XRRA1: variants seen among roughly 807,000 people sequenced by gnomAD.
XRRA1 encodes the protein X-ray radiation resistance-associated protein 1.
In XRRA1, 69 loss-of-function variants were observed where a neutral mutation model predicts 80.2. The observed-to-expected ratio is 0.86, with a 90% CI of 0.71 to 1.05. The LOEUF is 1.05. Among genes scored for constraint, XRRA1 ranks in the 50% least tolerant of loss-of-function variants. XRRA1 has a pLI of 0.00. For synonymous variants in XRRA1, 348 were observed against 389.9 expected (o/e 0.89, Z 1.27); for missense variants, 967 against 976.4 (o/e 0.99, Z 0.13).
rs1339669182 is a variant in XRRA1 at position 74,848,361 on chromosome 11, C to G, written c.1482G>C (p.Glu494Asp). Residue 494 changes from glutamate to aspartate, a missense_variant, in exon 15 of 19, where the codon GAG becomes GAC. Coordinates refer to ENST00000684022, the MANE Select transcript of XRRA1 (RefSeq NM_001378157.1). ...TGGGCAGATCTTCAGCCAGCTCTGCCTCTGGCTCTAGCATATCCTTTGAGG... is the reference window on the plus strand; with the variant it reads ...TGGGCAGATCTTCAGCCAGCTCTGCGTCTGGCTCTAGCATATCCTTTGAGG... ...KSPSKDMLEPEAELAEDLPTT... is the reference protein window; with the variant it reads ...KSPSKDMLEPDAELAEDLPTT... 6.2e-7 allele frequency: 1 copy of G among 1,613,930 alleles called. No individual in the cohort carries two copies. Among genetic ancestry groups the G allele is most frequent in the Admixed American group, 1.7e-5 (1 of 60,006 alleles).
chr11:74,873,025 T>C (rs2045223977), intron 10 of XRRA1, among the ~76,000 whole-genome samples: 1 of 152,180 alleles, frequency 6.6e-6, no homozygotes, highest in Non-Finnish European at 1.5e-5. Context: ...TTAGCTTGCA[T>C]GGGGGCCAGC....
At chr11:74,859,372 G>A in intron 11 of XRRA1, 89 bp from the exon 12 acceptor site, 1 of 1,408,406 alleles carries the variant, frequency 7.1e-7, no homozygotes, top group South Asian at 1.3e-5. Flanking sequence ...GAACAGGGTG[G>A]AATGAATGAC....
intron 10 of XRRA1, among the ~76,000 whole-genome samples, chr11:74,871,630 T>C (rs1222877708): frequency 6.6e-6 from 1 of 152,032 alleles, no homozygotes; most frequent in African/African-American, 2.4e-5. Flanking sequence ...CTGTCCCCCT[T>C]ATTTAGGGCC....
At chr11:74,934,815 G>C (rs920875015) in intron 4 of XRRA1, among the ~76,000 whole-genome samples, 2 of 152,096 alleles carry the variant, frequency 1.3e-5, no homozygotes, top group African/African-American at 4.8e-5. Context: ...TTAGCAGGGG[G>C]CTGATAGTAA....
intron 5 of XRRA1, among the ~76,000 whole-genome samples, chr11:74,930,704 C>T (rs1380428550): frequency 6.6e-6 from 1 of 152,148 alleles, no homozygotes; most frequent in East Asian, 1.9e-4. Context: ...ATAGGGTGAA[C>T]CACCACCATT....
At position 74,933,787 on chromosome 11, in the gene XRRA1, C is replaced by A; in HGVS notation, c.351+14G>T. 1.6e-5 allele frequency: 25 copies of A among 1,575,298 alleles called. No individual in the cohort carries two copies. The highest frequency in any genetic ancestry group is 2.2e-5 in the Non-Finnish European group (25 of 1,159,586). The stretch of plus-strand genomic sequence containing the variant: ...CTGGCTCACCCCAATCACATCTTTG[C>A]TGGCTGACCTCACCTTGGAGAACTT... On this transcript the variant is annotated intron_variant, in intron 5 of 18. Coordinates refer to ENST00000684022, the MANE Select transcript of XRRA1 (RefSeq NM_001378157.1).
chr11:74,896,395 C>T (rs554243054), intron 10 of XRRA1, among the ~76,000 whole-genome samples: 1 of 152,328 alleles, frequency 6.6e-6, no homozygotes, highest in African/African-American at 2.4e-5. Context: ...GGCAGAAACC[C>T]CCATGAACTG....
rs1417392893 is a variant in XRRA1, at chr11:74,851,168, G to A, written c.1300C>T (p.Arg434Ter). The change falls in exon 14 of 19, where the codon CGA (arginine) becomes TGA (stop). Residue 434 changes from arginine to a stop codon, truncating the protein, a stop_gained. Transcript: ENST00000684022. LOFTEE classifies it high-confidence loss of function. ...CTTCGAATTAAGTGGATTCCCAGTC[G>A]CTCCTGGAGGAAGCTCTTCAGCAGT... ...PPLLKSFLQE[R>*]LGIHLIRRKI... is the part of the protein sequence containing the mutation. 6 of 1,612,748 alleles carry A rather than the reference G, an allele frequency of 3.7e-6. No homozygotes were observed. The highest frequency in any genetic ancestry group is 4.5e-5 in the East Asian group (2 of 44,870).
At chr11:74,848,573 T>C in intron 14 of XRRA1, 111 bp from the exon 15 acceptor site, 1 of 963,920 alleles carries the variant, frequency 1.0e-6, no homozygotes, top group Non-Finnish European at 1.5e-6. Flanking sequence ...GGGTACGGAC[T>C]GAGGCGGGGG....
intron 5 of XRRA1, among the ~76,000 whole-genome samples, chr11:74,933,059 T>C (rs1944027060): frequency 6.6e-6 from 1 of 152,148 alleles, no homozygotes; most frequent in African/African-American, 2.4e-5. Flanking sequence ...GAAAGAAACA[T>C]GATTCATTGC....
At chr11:74,901,518 T>A (rs1187374863) in intron 10 of XRRA1, among the ~76,000 whole-genome samples, 3 of 152,188 alleles carry the variant, frequency 2.0e-5, no homozygotes, top group Non-Finnish European at 4.4e-5. Flanking sequence ...ACTAGAGGAA[T>A]CACATTACCT....
chr11:74,855,770 T>A (rs1001402581), intron 12 of XRRA1, among the ~76,000 whole-genome samples: 4 of 152,248 alleles, frequency 2.6e-5, no homozygotes, highest in Non-Finnish European at 5.9e-5. Flanking sequence ...GCAGAATTTA[T>A]TTTGAAGTTT....
rs765155916 is a variant in XRRA1, at chr11:74,907,236, T to A, written c.694A>T (p.Ile232Phe). 2.5e-6 allele frequency: 4 copies of A among 1,613,886 alleles called. No homozygotes were observed. The highest frequency in any genetic ancestry group is 2.7e-5 in the African/African-American group (2 of 74,944). Reference protein sequence around the residue: ...SVTSLTSKRYILRFPALETLM... With the variant: ...SVTSLTSKRYFLRFPALETLM... ...GTCTCCAGCGCTGGGAACCTCAGGA[T>A]GTACCTCTTGCTTGTCAGCGATGTT... The change falls in exon 9 of 19, where the codon ATC (isoleucine) becomes TTC (phenylalanine). Residue 232 changes from isoleucine to phenylalanine, a missense_variant. Physicochemically the swap from Ile to Phe is conservative, Grantham distance 21. Coordinates refer to ENST00000684022, the MANE Select transcript of XRRA1 (RefSeq NM_001378157.1).
chr11:74,843,619 C>T (rs1327527018), intron 18 of XRRA1, 166 bp from the exon 19 acceptor site: 13 of 946,068 alleles, frequency 1.4e-5, no homozygotes, highest in Non-Finnish European at 1.9e-5. Context: ...TGACTTCCTA[C>T]TGCCCCTATG....
chr11:74,891,838 A>G (rs2050794752), intron 10 of XRRA1, among the ~76,000 whole-genome samples: 1 of 152,356 alleles, frequency 6.6e-6, no homozygotes, highest in South Asian at 2.1e-4. Flanking sequence ...CTAGGAATCC[A>G]ACTTACAAGC....
chr11:74,845,539 C>A (rs562601726), intron 15 of XRRA1, among the ~76,000 whole-genome samples: 19 of 152,320 alleles, frequency 1.2e-4, no homozygotes, highest in Middle Eastern at 6.8e-3. Flanking sequence ...TGAGCTAAGT[C>A]TTGAAGAGCC....
chr11:74,888,839 C>T (rs560000621), intron 10 of XRRA1, among the ~76,000 whole-genome samples: 10 of 151,778 alleles, frequency 6.6e-5, no homozygotes, highest in South Asian at 4.2e-4. Flanking sequence ...TGAAATGAAG[C>T]GAGAAGAGAA....
intron 10 of XRRA1, among the ~76,000 whole-genome samples, chr11:74,879,661 G>C (rs950035425): frequency 7.2e-5 from 11 of 152,112 alleles, no homozygotes; most frequent in African/African-American, 2.7e-4. Context: ...TTTACTGAGA[G>C]TTTTTAGCAT....
In XRRA1 at chr11:74,851,211, C is replaced by G; in HGVS notation, c.1265-8G>C. On this transcript the variant is annotated splice_region_variant and splice_polypyrimidine_tract_variant and intron_variant, in intron 13 of 18. Transcript: ENST00000684022. ...TCAGCAGTGGAGGGACCCCTGGTGC[C>G]ATGATGGGAAAATAAGATTACTATT... 1 of 1,595,454 alleles carries G rather than the reference C, an allele frequency of 6.3e-7. No homozygotes were observed.
Sources: allele counts gnomAD v4.1 joint callset (sites outside exome capture counted in the v4.1 genomes callset), GRCh38; gene constraint gnomAD v4.1.1; transcripts MANE v1.5; gene names NCBI Gene and HGNC (gene_info 2026-07-23, HGNC 2026-07-21).